The following KCNK18 variants were observed in gnomAD, a reference collection of about 807,000 sequenced individuals.
KCNK18 encodes the protein potassium two pore domain channel subfamily K member 18.
KCNK18 carries 8 observed loss-of-function variants against 11.8 expected under a neutral mutation model. That is an observed-to-expected ratio of 0.68 (90% CI 0.40 to 1.22). The LOEUF (loss-of-function observed/expected upper bound fraction) is 1.22. Among genes scored for constraint, KCNK18 ranks in the 50% most tolerant of loss-of-function variants. The probability of loss-of-function intolerance (pLI) is 0.01; values close to 1 mark genes in which losing one functional copy is unlikely to be tolerated. For synonymous variants in KCNK18, 208 were observed against 185.8 expected, an observed-to-expected ratio of 1.12 and a Z score of -0.97; for missense variants, 442 against 465.4, an observed-to-expected ratio of 0.95 and a Z score of 0.46.
chr10:117,198,868 C>A (rs757825507), intron 1 of KCNK18, among the ~76,000 whole-genome samples: 1 of 152,206 alleles, frequency 6.6e-6, no homozygotes, highest in African/African-American at 2.4e-5. Flanking sequence ...AGGGACACTG[C>A]ACCATCGCAG....
intron 2 of KCNK18, among the ~76,000 whole-genome samples, chr10:117,207,702 A>T (rs1855092080): frequency 6.6e-6 from 1 of 152,164 alleles, no homozygotes; most frequent in Admixed American, 6.5e-5. Context: ...TACACTTGGG[A>T]CCCTGGTGAG....
intron 2 of KCNK18, among the ~76,000 whole-genome samples, chr10:117,201,714 G>A (rs368590785): frequency 1.2e-3 from 188 of 152,318 alleles, no homozygotes; most frequent in African/African-American, 4.5e-3. Flanking sequence ...TCGTGCTTAT[G>A]AGCAAAACGT....
chr10:117,203,029 C>T (rs1299681597), intron 2 of KCNK18, among the ~76,000 whole-genome samples: 1 of 151,800 alleles, frequency 6.6e-6, no homozygotes, highest in African/African-American at 2.4e-5. Context: ...GCATGTACCA[C>T]CACGCTTGGC....
intron 2 of KCNK18, among the ~76,000 whole-genome samples, chr10:117,207,988 GTC>G (rs2133706201): frequency 6.6e-6 from 1 of 152,314 alleles, no homozygotes; most frequent in Admixed American, 6.5e-5. Flanking sequence ...GGGGTTTGAG[GTC>G]TGTCTGCTCC....
chr10:117,208,803 C>A (rs1008547886), intron 2 of KCNK18, among the ~76,000 whole-genome samples: 1 of 150,642 alleles, frequency 6.6e-6, no homozygotes, highest in Non-Finnish European at 1.5e-5. Context: ...TGCAATGGCA[C>A]AATCTTGGCT....
At chr10:117,204,170 G>A (rs996893770) in intron 2 of KCNK18, among the ~76,000 whole-genome samples, 1 of 151,074 alleles carries the variant, frequency 6.6e-6, no homozygotes, top group Non-Finnish European at 1.5e-5. Context: ...GCTGAGGTGG[G>A]AGCATCACTT....
intron 2 of KCNK18, among the ~76,000 whole-genome samples, chr10:117,204,131 G>T (rs1438219808): frequency 6.6e-6 from 1 of 152,006 alleles, no homozygotes; most frequent in East Asian, 1.9e-4. Flanking sequence ...GCGTGGTGAC[G>T]TGCACCTGTA....
Position 117,208,412 on chromosome 10 carries a change from C to G in KCNK18, c.353-1085C>G, listed in dbSNP as rs552105205. Among the ~76,000 whole-genome samples the G allele has an allele frequency of 5.6e-4, 85 of 152,154 alleles. No homozygotes were observed. The Middle Eastern group carries it at 0.031, about 55-fold the overall frequency. Reference sequence around the variant, plus strand: ...ATGTAATCCTCCCAGCTAGTCAATACGCAAAGTAGGTATTGTCATCCCCAT... The same window carrying G: ...ATGTAATCCTCCCAGCTAGTCAATAGGCAAAGTAGGTATTGTCATCCCCAT... On this transcript the variant is annotated intron_variant, in intron 2 of 2. Transcript: ENST00000334549.
intron 2 of KCNK18, among the ~76,000 whole-genome samples, chr10:117,206,318 C>T (rs1193838663): frequency 6.6e-6 from 1 of 152,164 alleles, no homozygotes; most frequent in Non-Finnish European, 1.5e-5. Flanking sequence ...CCACATCACT[C>T]TTGTCTCTGC....
At chr10:117,202,894 T>TTTTTG (rs1312273966) in intron 2 of KCNK18, among the ~76,000 whole-genome samples, 2 of 121,736 alleles carry the variant, frequency 1.6e-5, no homozygotes, top group Non-Finnish European at 3.6e-5. Flanking sequence ...TGCTTTTTTT[T>TTTTTG]TTTTTTTTTT....
At chr10:117,201,479 C>T (rs940997785) in intron 2 of KCNK18, among the ~76,000 whole-genome samples, 192 bp downstream of exon 2, 2 of 152,180 alleles carry the variant, frequency 1.3e-5, no homozygotes, top group Non-Finnish European at 2.9e-5. Flanking sequence ...ACTGAAGATG[C>T]ACCAGGCCCT....
Position 117,202,885 on chromosome 10 carries a change from G to GTTTTTTTTTT in KCNK18, c.352+1598_352+1599insTTTTTTTTTT, listed in dbSNP as rs750157980. On this transcript the variant is annotated intron_variant, in intron 2 of 2. Coordinates refer to ENST00000334549, the MANE Select transcript of KCNK18 (RefSeq NM_181840.1). ...CGTGGTTTCTCCCATTTGCCTGAAT[G>GTTTTTTTTTT]CTTTTTTTTTTTTTTTTTTTTTTGA... is the stretch of plus-strand genomic sequence containing the variant. 8.2e-4 allele frequency among the ~76,000 whole-genome samples: 91 copies of GTTTTTTTTTT among 111,246 alleles called. 19 individuals carry two copies. Among genetic ancestry groups the GTTTTTTTTTT allele is most frequent in the Admixed American group, 9.5e-4 (9 of 9,518 alleles). The allele number at this position is 111,246 out of a possible 152,430, so 73.0% of individuals were successfully genotyped here. A position where few individuals can be genotyped will look rare whatever the true frequency, so the allele number is the denominator to read the frequency against.
intron 1 of KCNK18, among the ~76,000 whole-genome samples, chr10:117,197,947 C>T (rs143894957): frequency 6.6e-6 from 1 of 152,144 alleles, no homozygotes; most frequent in African/African-American, 2.4e-5. Context: ...GCCCTGAGCA[C>T]CCTGAGGTGC....
In KCNK18 at chr10:117,209,741, C is replaced by G; in HGVS notation, c.597C>G (p.Val199=). The change falls in exon 3 of 3, where the codon GTC becomes GTG. Residue 199 remains valine (V), a synonymous_variant. Transcript: ENST00000334549. ...KPDPKPADEA[V]PQIIISAEEL... ...ACCCCAAGCCCGCAGATGAAGCTGT[C>G]CCTCAGATCATCATCAGTGCTGAAG... The G allele has an allele frequency of 6.2e-7, 1 of 1,614,176 alleles. No individual in the cohort carries two copies. Among genetic ancestry groups the G allele is most frequent in the East Asian group, 2.2e-5 (1 of 44,882 alleles).
At chr10:117,202,559 C>G (rs1855025646) in intron 2 of KCNK18, among the ~76,000 whole-genome samples, 1 of 152,230 alleles carries the variant, frequency 6.6e-6, no homozygotes, top group African/African-American at 2.4e-5. Flanking sequence ...ACAGTCCATT[C>G]AAGCATAACT....
intron 2 of KCNK18, among the ~76,000 whole-genome samples, chr10:117,207,550 A>G (rs1855090896): frequency 1.3e-5 from 2 of 152,244 alleles, no homozygotes; most frequent in South Asian, 4.1e-4. Context: ...GAATGTATGC[A>G]TGCATGAATG....
At chr10:117,203,065 G>A (rs117143987) in intron 2 of KCNK18, among the ~76,000 whole-genome samples, 10,426 of 151,746 alleles carry the variant, frequency 0.069, 496 homozygotes, top group Non-Finnish European at 0.1. Context: ...TACTAGAGAC[G>A]GGGGTTTCAC....
intron 1 of KCNK18, among the ~76,000 whole-genome samples, chr10:117,198,153 G>T (rs1854971926): frequency 6.6e-6 from 1 of 152,186 alleles, no homozygotes; most frequent in Non-Finnish European, 1.5e-5. Flanking sequence ...GCAGGGATGA[G>T]AATTTAGGGA....
At position 117,209,686 on chromosome 10, in the gene KCNK18, G is replaced by T; in HGVS notation, c.542G>T (p.Cys181Phe). The T allele has an allele frequency of 6.2e-7, 1 of 1,613,920 alleles. No individual in the cohort carries two copies. Among genetic ancestry groups the T allele is most frequent in the African/African-American group, 1.3e-5 (1 of 74,956 alleles). ...FFTRPLLSKW[C>F]PKSLFKKKPD... Reference sequence around the variant, plus strand: ...ACCCGCCCCCTCCTCTCCAAGTGGTGCCCCAAATCTCTCTTCAAGAAAAAA... The same window carrying T: ...ACCCGCCCCCTCCTCTCCAAGTGGTTCCCCAAATCTCTCTTCAAGAAAAAA... The change falls in exon 3 of 3, where the codon TGC (cysteine) becomes TTC (phenylalanine). Residue 181 changes from cysteine to phenylalanine, a missense_variant. Cys to Phe is a radical substitution (Grantham distance 205). Coordinates refer to ENST00000334549, the MANE Select transcript of KCNK18 (RefSeq NM_181840.1).
Sources: allele counts gnomAD v4.1 joint callset (sites outside exome capture counted in the v4.1 genomes callset), GRCh38; gene constraint gnomAD v4.1.1; transcripts MANE v1.5; gene names NCBI Gene and HGNC (gene_info 2026-07-23, HGNC 2026-07-21).